MTSS1: variants seen among roughly 807,000 people sequenced by gnomAD.
MTSS1 encodes the protein MTSS I-BAR domain containing 1, also known as protein MTSS 1.
Under a neutral mutation model 79.0 loss-of-function variants are expected in MTSS1, and 18 were observed. That is an observed-to-expected ratio of 0.23 (90% CI 0.16 to 0.34). MTSS1 has a LOEUF of 0.34. MTSS1 is among the 10% of genes least tolerant of loss of function. The pLI is 1.00. For missense variants in MTSS1, 815 were observed against 986.2 expected, an observed-to-expected ratio of 0.83 and a Z score of 2.33; for synonymous variants, 341 against 368.6, an observed-to-expected ratio of 0.93 and a Z score of 0.86.
At chr8:124,617,104 G>T (rs887076413) in intron 3 of MTSS1, among the ~76,000 whole-genome samples, 1 of 152,176 alleles carries the variant, frequency 6.6e-6, no homozygotes, top group Admixed American at 6.5e-5. Context: ...CGAGGGCAGT[G>T]TCTACCGCTA....
rs1823804093 is a variant in MTSS1 at position 124,556,410 on chromosome 8, G to A, written c.1231-5C>T. ...GGGCCCAGGCTTAGCCCAGTCCTAT[G>A]CAAAACAAGTGCGGTCAGGAGCCAG... On this transcript the variant is annotated splice_region_variant and splice_polypyrimidine_tract_variant and intron_variant, in intron 11 of 13. Transcript: ENST00000518547. 1.2e-6 allele frequency: 2 copies of A among 1,606,284 alleles called. No homozygotes were observed. The highest frequency in any genetic ancestry group is 1.7e-6 in the Non-Finnish European group (2 of 1,175,566).
chr8:124,569,194 C>T (rs987546453), intron 6 of MTSS1, among the ~76,000 whole-genome samples: 1 of 152,126 alleles, frequency 6.6e-6, no homozygotes, highest in African/African-American at 2.4e-5. Flanking sequence ...CTATGCGGAG[C>T]CTGGCCCATG....
At chr8:124,688,973 C>T (rs1827484948) in intron 3 of MTSS1, among the ~76,000 whole-genome samples, 1 of 151,378 alleles carries the variant, frequency 6.6e-6, no homozygotes, top group South Asian at 2.1e-4. Context: ...AAATGAAAGA[C>T]CAGATAGTTC....
At chr8:124,676,549 T>C (rs528960312) in intron 3 of MTSS1, among the ~76,000 whole-genome samples, 13 of 152,328 alleles carry the variant, frequency 8.5e-5, no homozygotes, top group African/African-American at 3.1e-4. Flanking sequence ...TCTGGGCAAA[T>C]GAAAGAACGT....
At chr8:124,663,212 G>A (rs1232489497) in intron 3 of MTSS1, among the ~76,000 whole-genome samples, 1 of 152,176 alleles carries the variant, frequency 6.6e-6, no homozygotes, top group Non-Finnish European at 1.5e-5. Flanking sequence ...CTTTCGGGCT[G>A]TAAGTTTTTC....
At chr8:124,704,006 C>A in intron 2 of MTSS1, 124 bp downstream of exon 2, 1 of 809,050 alleles carries the variant, frequency 1.2e-6, no homozygotes, top group East Asian at 2.5e-5. Context: ...CAGAACCCAG[C>A]ACAGGCTTCC....
At chr8:124,700,000 G>A (rs779327161) in intron 2 of MTSS1, among the ~76,000 whole-genome samples, 11 of 152,056 alleles carry the variant, frequency 7.2e-5, no homozygotes, top group East Asian at 1.9e-4. Context: ...TTAGCCAGGC[G>A]TGGTGGTATG....
At chr8:124,565,252 A>G (rs1408159158) in intron 9 of MTSS1, among the ~76,000 whole-genome samples, 1 of 152,232 alleles carries the variant, frequency 6.6e-6, no homozygotes, top group Non-Finnish European at 1.5e-5. Context: ...ATGGGGTGAA[A>G]TGAGGGCATA....
intron 3 of MTSS1, among the ~76,000 whole-genome samples, chr8:124,668,248 A>G (rs1346765310): frequency 6.6e-6 from 1 of 152,146 alleles, no homozygotes; most frequent in Non-Finnish European, 1.5e-5. Flanking sequence ...CACAGGCACA[A>G]TCAGTTCCAC....
chr8:124,602,190 T>TATATATATATATATATACACACACACAC (rs1834004107), intron 3 of MTSS1, among the ~76,000 whole-genome samples: 1 of 133,684 alleles, frequency 7.5e-6, no homozygotes, highest in East Asian at 2.9e-4. Flanking sequence ...TATATATACA[T>TATATATATATATATATACACACACACAC]ATATATATAT....
chr8:124,552,912 T>C lies in MTSS1; in HGVS notation c.*80A>G. 7.1e-7 allele frequency: 1 copy of C among 1,409,790 alleles called. No individual in the cohort carries two copies. Among genetic ancestry groups the C allele is most frequent in the Non-Finnish European group, 9.7e-7 (1 of 1,031,864 alleles). The allele number at this position is 1,409,790 out of a possible 1,614,324, so 87.3% of individuals were successfully genotyped here. A position where few individuals can be genotyped will look rare whatever the true frequency, so the allele number is the denominator to read the frequency against. On this transcript the variant is annotated 3_prime_UTR_variant, in exon 14 of 14. Transcript: ENST00000518547. The stretch of plus-strand genomic sequence containing the variant: ...GTTGCCTACAAAATCTTTTGTTTTA[T>C]TATAGAGTGGAATGGATCAAGACAA...
chr8:124,649,059 A>T (rs1165624741), intron 3 of MTSS1, among the ~76,000 whole-genome samples: 3 of 152,286 alleles, frequency 2.0e-5, no homozygotes, highest in African/African-American at 7.2e-5. Flanking sequence ...TAATAGTATT[A>T]ACAATAACCA....
chr8:124,721,044 A>G (rs1408164557), intron 1 of MTSS1, among the ~76,000 whole-genome samples: 4 of 152,212 alleles, frequency 2.6e-5, no homozygotes, highest in African/African-American at 9.6e-5. Context: ...GTTTAGGGGC[A>G]GTGTTGTAGC....
At chr8:124,584,624 C>T (rs939885148) in intron 6 of MTSS1, among the ~76,000 whole-genome samples, 1 of 152,136 alleles carries the variant, frequency 6.6e-6, no homozygotes, top group African/African-American at 2.4e-5. Flanking sequence ...TGGAAAATCC[C>T]CTGTATGGCC....
At chr8:124,691,431 C>T (rs1827912152) in intron 3 of MTSS1, among the ~76,000 whole-genome samples, 1 of 152,186 alleles carries the variant, frequency 6.6e-6, no homozygotes, top group East Asian at 1.9e-4. Flanking sequence ...ATAAAAAGTG[C>T]TCAATATAAA....
intron 1 of MTSS1, among the ~76,000 whole-genome samples, chr8:124,710,390 TC>T (rs1159568748): frequency 6.6e-6 from 1 of 152,184 alleles, no homozygotes; most frequent in Non-Finnish European, 1.5e-5. Context: ...GAAAAAGGCC[TC>T]CTAAATCTCC....
intron 3 of MTSS1, among the ~76,000 whole-genome samples, chr8:124,653,071 C>T (rs1196476861): frequency 3.3e-5 from 5 of 152,186 alleles, no homozygotes; most frequent in African/African-American, 1.2e-4. Context: ...TATTCACTTC[C>T]GTGGCCAGAC....
chr8:124,560,585 A>G (rs1190753219), intron 10 of MTSS1, among the ~76,000 whole-genome samples: 3 of 152,200 alleles, frequency 2.0e-5, no homozygotes, highest in Non-Finnish European at 4.4e-5. Context: ...CAGGAGTTCA[A>G]GGTTACAGTG....
intron 6 of MTSS1, among the ~76,000 whole-genome samples, chr8:124,583,822 A>T (rs1414197057): frequency 6.6e-6 from 1 of 152,248 alleles, no homozygotes; most frequent in Non-Finnish European, 1.5e-5. Context: ...GGAATATGGT[A>T]GTAATTTTAC....
Sources: allele counts gnomAD v4.1 joint callset (sites outside exome capture counted in the v4.1 genomes callset), GRCh38; gene constraint gnomAD v4.1.1; transcripts MANE v1.5; gene names NCBI Gene and HGNC (gene_info 2026-07-23, HGNC 2026-07-21).